Variants in ARMC9 observed in about 807,000 individuals in gnomAD.
ARMC9 encodes lisH domain-containing protein ARMC9.
A neutral mutation model predicts 107.0 loss-of-function variants in ARMC9; 94 were observed. The observed-to-expected ratio is 0.88, with a 90% confidence interval of 0.74 to 1.04. ARMC9 has a LOEUF of 1.04. Ranked by LOEUF, ARMC9 falls within the 50% of genes least tolerant of loss-of-function variation. The probability of loss-of-function intolerance (pLI) is 0.00; values close to 1 mark genes in which losing one functional copy is unlikely to be tolerated. For missense variants in ARMC9, 942 were observed against 1,030.1 expected (o/e 0.91, Z 1.17); for synonymous variants, 380 against 396.9 (o/e 0.96, Z 0.51).
At chr2:231,359,078 T>G (rs1575179249) in intron 22 of ARMC9, among the ~76,000 whole-genome samples, 1 of 137,142 alleles carries the variant, frequency 7.3e-6, no homozygotes, top group Non-Finnish European at 1.5e-5. Context: ...TAGGGGGGTC[T>G]CCTGTTTTTT....
chr2:231,366,429 G>A (rs913088373), intron 23 of ARMC9, among the ~76,000 whole-genome samples: 1 of 152,170 alleles, frequency 6.6e-6, no homozygotes, highest in African/African-American at 2.4e-5. Context: ...CAGGCACGGT[G>A]GCTTATGCTT....
intron 19 of ARMC9, among the ~76,000 whole-genome samples, chr2:231,321,459 T>C (rs2042991362): frequency 1.3e-5 from 2 of 152,254 alleles, no homozygotes; most frequent in South Asian, 4.1e-4. Context: ...TGTGAAACTT[T>C]AAGATTCATC....
intron 9 of ARMC9, among the ~76,000 whole-genome samples, chr2:231,242,248 A>G (rs141257229): frequency 2.0e-5 from 3 of 150,970 alleles, no homozygotes; most frequent in South Asian, 2.1e-4. Context: ...AGCAGTTTGT[A>G]TGGATCTTCA....
At chr2:231,265,745 G>A (rs1437774909) in intron 12 of ARMC9, among the ~76,000 whole-genome samples, 1 of 151,588 alleles carries the variant, frequency 6.6e-6, no homozygotes, top group Non-Finnish European at 1.5e-5. Context: ...GGTGGTTCAT[G>A]CCTGTAATCC....
At position 231,316,633 on chromosome 2, in the gene ARMC9, C is replaced by T. The variant is rs532526469; in HGVS notation, c.1774-15160C>T. Among the ~76,000 whole-genome samples, 4 of 149,720 alleles carry T rather than the reference C, an allele frequency of 2.7e-5. No individual in the cohort carries two copies. In the South Asian group the frequency reaches 8.4e-4, roughly 31 times the overall value. On this transcript the variant is annotated intron_variant, in intron 19 of 24. Transcript: ENST00000611582. ...TGAGCCGAGATCATACCACTGCACTCCAGCCTGGGTGACAGAGCAAGACTC... is the reference window on the plus strand; with the variant it reads ...TGAGCCGAGATCATACCACTGCACTTCAGCCTGGGTGACAGAGCAAGACTC...
intron 15 of ARMC9, among the ~76,000 whole-genome samples, chr2:231,277,370 G>A (rs1036281314): frequency 6.6e-6 from 1 of 152,144 alleles, no homozygotes; most frequent in Non-Finnish European, 1.5e-5. Flanking sequence ...CCAGGCTGTG[G>A]CTTTCCCCAG....
chr2:231,323,457 T>A (rs931077368), intron 19 of ARMC9, among the ~76,000 whole-genome samples: 1 of 152,192 alleles, frequency 6.6e-6, no homozygotes, highest in African/African-American at 2.4e-5. Flanking sequence ...TGCCTGCAGG[T>A]GTTACTGGGA....
At chr2:231,306,882 A>G (rs554136919) in intron 19 of ARMC9, among the ~76,000 whole-genome samples, 2 of 152,218 alleles carry the variant, frequency 1.3e-5, no homozygotes, top group Non-Finnish European at 2.9e-5. Flanking sequence ...ACACAAAGCA[A>G]GAGTTTTATA....
chr2:231,199,609 A>T (rs2030436161), intron 1 of ARMC9, among the ~76,000 whole-genome samples: 1 of 152,228 alleles, frequency 6.6e-6, no homozygotes, highest in Admixed American at 6.5e-5. Flanking sequence ...AATGTAAAAC[A>T]TTTTGCACAT....
In ARMC9 at chr2:231,344,978, A is replaced by G; in HGVS notation, c.1882A>G (p.Met628Val). Residue 628 changes from methionine to valine, a missense_variant, in exon 21 of 25, where the codon ATG (methionine) becomes GTG (valine). Met to Val is a conservative substitution (Grantham distance 21). Transcript: ENST00000611582. ...TTTTTCTCTTTCCTTCCACCAGATC[A>G]TGACCAACACGGGGAAGACAAGGCG... ...KLLTTEYLGIMTNTGKTRRKG... is the reference protein window; with the variant it reads ...KLLTTEYLGIVTNTGKTRRKG... 4.3e-6 allele frequency: 7 copies of G among 1,614,000 alleles called. No individual in the cohort carries two copies. The highest frequency in any genetic ancestry group is 5.9e-6 in the Non-Finnish European group (7 of 1,180,004).
chr2:231,207,454 C>G (rs1195214028), intron 2 of ARMC9, among the ~76,000 whole-genome samples: 1 of 152,132 alleles, frequency 6.6e-6, no homozygotes, highest in East Asian at 1.9e-4. Context: ...GCCATGCCAC[C>G]TGGCCTATAC....
chr2:231,371,532 G>T lies in ARMC9; in HGVS notation c.2454G>T (p.Lys818Asn), dbSNP rs954075050. ...CTCCAGGCAGCCAGTCTCACAGGAA[G>T]TAAGGATGTCCCCGGGTGTCCCCAT... Reference protein sequence around the residue: ...RGLPSSQSHRK With the variant: ...RGLPSSQSHRN The change falls in exon 25 of 25, where the codon AAG (lysine) becomes AAT (asparagine). Residue 818 changes from lysine (K) to asparagine (N), a missense_variant. Coordinates refer to ENST00000611582, the MANE Select transcript of ARMC9 (RefSeq NM_001352754.2). The T allele has an allele frequency of 1.6e-6, 2 of 1,237,918 alleles. No homozygotes were observed. Among genetic ancestry groups the T allele is most frequent in the African/African-American group, 3.1e-5 (2 of 64,436 alleles). The allele number at this position is 1,237,918 out of a possible 1,614,324, so 76.7% of individuals were successfully genotyped here. A position where few individuals can be genotyped will look rare whatever the true frequency, so the allele number is the denominator to read the frequency against.
chr2:231,352,250 C>G (rs1262633511), intron 21 of ARMC9, among the ~76,000 whole-genome samples: 1 of 152,004 alleles, frequency 6.6e-6, no homozygotes, highest in African/African-American at 2.4e-5. Context: ...GTGTGAGCCA[C>G]TATGCCCAGC....
chr2:231,334,475 CG>C (rs2043951900), intron 20 of ARMC9, among the ~76,000 whole-genome samples: 2 of 152,188 alleles, frequency 1.3e-5, no homozygotes, highest in Admixed American at 1.3e-4. Context: ...CTTGTTCCCC[CG>C]GGTGACCCAG....
chr2:231,240,101 T>C lies in ARMC9; in HGVS notation c.879+60T>C, dbSNP rs570186510. ...TCTATCCCCCCAAATTTAAAAAGAA[T>C]GTAACTTTAAAAATAGCATGAAAAA... is the stretch of plus-strand genomic sequence containing the variant. On this transcript the variant is annotated intron_variant, in intron 9 of 24. Coordinates refer to ENST00000611582, the MANE Select transcript of ARMC9 (RefSeq NM_001352754.2). 1.7e-5 allele frequency: 23 copies of C among 1,367,456 alleles called. No homozygotes were observed. The East Asian group carries it at 4.2e-4, about 25-fold the overall frequency. 84.7% of individuals were successfully genotyped at this position (1,367,456 alleles called of 1,614,324 possible). A position where few individuals can be genotyped will look rare whatever the true frequency, so the allele number is the denominator to read the frequency against.
intron 14 of ARMC9, 116 bp downstream of exon 14, chr2:231,273,194 G>T: frequency 7.4e-7 from 1 of 1,352,944 alleles, no homozygotes; most frequent in South Asian, 1.4e-5. Context: ...GAGGTTGGAT[G>T]ACTTTCTAAG....
intron 23 of ARMC9, among the ~76,000 whole-genome samples, chr2:231,364,652 GC>G (rs1272469935): frequency 1.3e-5 from 2 of 152,086 alleles, no homozygotes; most frequent in African/African-American, 4.8e-5. Flanking sequence ...ACAAAAATTA[GC>G]CGGGCATGGT....
chr2:231,327,168 G>A (rs2043381959), intron 19 of ARMC9, among the ~76,000 whole-genome samples: 1 of 152,344 alleles, frequency 6.6e-6, no homozygotes, highest in South Asian at 2.1e-4. Context: ...GGAAGGGGCA[G>A]TGCACGCTCC....
intron 7 of ARMC9, among the ~76,000 whole-genome samples, chr2:231,234,831 C>T (rs1455971218): frequency 6.6e-6 from 1 of 152,236 alleles, no homozygotes; most frequent in East Asian, 1.9e-4. Flanking sequence ...GTCTCCAACT[C>T]CTGGCCTCAA....
Sources: allele counts gnomAD v4.1 joint callset (sites outside exome capture counted in the v4.1 genomes callset), GRCh38; gene constraint gnomAD v4.1.1; transcripts MANE v1.5; gene names NCBI Gene and HGNC (gene_info 2026-07-23, HGNC 2026-07-21).